Variants in ZNF423 observed in about 807,000 individuals in gnomAD.
ZNF423 encodes zinc finger protein 423.
In ZNF423, 12 loss-of-function variants were observed where a neutral mutation model predicts 95.8. The observed-to-expected ratio is 0.13, with a 90% confidence interval of 0.08 to 0.20. The LOEUF (loss-of-function observed/expected upper bound fraction) is 0.20, where lower values mean the gene tolerates loss of function less well. Among genes scored for constraint, ZNF423 ranks in the 10% least tolerant of loss-of-function variants. The probability of loss-of-function intolerance (pLI) is 1.00; values close to 1 mark genes in which losing one functional copy is unlikely to be tolerated. For synonymous variants in ZNF423, 749 were observed against 711.9 expected, an observed-to-expected ratio of 1.05 and a Z score of -0.83; for missense variants, 1,316 against 1,737.1, an observed-to-expected ratio of 0.76 and a Z score of 4.31.
chr16:49,830,304 G>A (rs1348538754), intron 1 of ZNF423, among the ~76,000 whole-genome samples: 15 of 152,162 alleles, frequency 9.9e-5, no homozygotes, highest in Non-Finnish European at 2.1e-4. Flanking sequence ...GGGGACTGAT[G>A]AGATGTGAGG....
At chr16:49,669,084 CT>C (rs1469885239) in intron 3 of ZNF423, among the ~76,000 whole-genome samples, 1 of 152,088 alleles carries the variant, frequency 6.6e-6, no homozygotes, top group Non-Finnish European at 1.5e-5. Context: ...AATCCTAGCA[CT>C]TTGGGAGGCC....
At chr16:49,854,351 A>G (rs2035333504) in intron 1 of ZNF423, 1 of 985,338 alleles carries the variant, frequency 1.0e-6, no homozygotes, top group African/African-American at 1.7e-5. Flanking sequence ...CGGGGACTTC[A>G]GGAGGACAGA....
At chr16:49,789,727 C>A (rs781347383) in intron 1 of ZNF423, among the ~76,000 whole-genome samples, 181 bp from the exon 2 acceptor site, 2 of 152,138 alleles carry the variant, frequency 1.3e-5, no homozygotes, top group Non-Finnish European at 2.9e-5. Context: ...GTAAAATGAT[C>A]GGAATAAAAC....
At chr16:49,777,051 C>T (rs2034133346) in intron 2 of ZNF423, among the ~76,000 whole-genome samples, 1 of 152,162 alleles carries the variant, frequency 6.6e-6, no homozygotes, top group Admixed American at 6.5e-5. Context: ...AGTGTGAACA[C>T]ACTCCTGTAT....
intron 7 of ZNF423, among the ~76,000 whole-genome samples, chr16:49,516,616 C>T (rs1000774891): frequency 1.3e-5 from 2 of 152,228 alleles, no homozygotes; most frequent in African/African-American, 2.4e-5. Flanking sequence ...ATTTCAGACA[C>T]GTGCATTGTT....
At chr16:49,664,318 G>A (rs1159881457) in intron 3 of ZNF423, 14 of 984,418 alleles carry the variant, frequency 1.4e-5, no homozygotes, top group Non-Finnish European at 1.4e-5. Context: ...GGCGCTTGGC[G>A]GAGGACCCAG....
rs1971563268 is a variant in ZNF423, at chr16:49,607,108, G to A, written c.3601+19062C>T. On this transcript the variant is annotated intron_variant, in intron 5 of 7. Coordinates refer to ENST00000563137, the MANE Select transcript of ZNF423 (RefSeq NM_001379286.1). The stretch of plus-strand genomic sequence containing the variant: ...TTTTGTAAAACAGATCTTGACAGTT[G>A]AGAGAGTCAGAGTCCTTCATTCACA... 2.1e-5 allele frequency among the ~76,000 whole-genome samples: 3 copies of A among 140,130 alleles called. No individual in the cohort carries two copies. The South Asian group carries it at 6.8e-4, about 32-fold the overall frequency. 91.9% of individuals were successfully genotyped at this position (140,130 alleles called of 152,430 possible). A position where few individuals can be genotyped will look rare whatever the true frequency, so the allele number is the denominator to read the frequency against.
chr16:49,666,094 G>A (rs899779899), intron 3 of ZNF423, among the ~76,000 whole-genome samples: 11 of 152,322 alleles, frequency 7.2e-5, no homozygotes, highest in Non-Finnish European at 7.3e-5. Flanking sequence ...AGCGAAGGCC[G>A]GGGAGAGCTG....
chr16:49,642,478 A>G (rs1279088779), intron 3 of ZNF423, among the ~76,000 whole-genome samples: 1 of 152,202 alleles, frequency 6.6e-6, no homozygotes, highest in African/African-American at 2.4e-5. Flanking sequence ...AGCAAAGCGT[A>G]TTATTCTGGG....
intron 3 of ZNF423, among the ~76,000 whole-genome samples, chr16:49,729,187 G>A (rs1487073278): frequency 6.6e-6 from 1 of 152,116 alleles, no homozygotes; most frequent in Non-Finnish European, 1.5e-5. Context: ...TACACAGAAT[G>A]GCCTATTCTC....
intron 5 of ZNF423, among the ~76,000 whole-genome samples, chr16:49,587,354 C>T (rs1473984019): frequency 2.6e-5 from 4 of 152,314 alleles, no homozygotes; most frequent in African/African-American, 9.6e-5. Context: ...GATGAAGCCT[C>T]TTTGGCAAAA....
Position 49,488,105 on chromosome 16 carries a change from G to C in ZNF423, c.*3170C>G, listed in dbSNP as rs1476091707. ...CAGTAAATACTTGCTGAATGGATGA[G>C]TAGAGGAAGGGATGGATTTGAGTTT... On this transcript the variant is annotated 3_prime_UTR_variant, in exon 8 of 8. Transcript: ENST00000563137. The C allele has an allele frequency of 6.6e-6, 1 of 152,312 alleles. No homozygotes were observed. Among genetic ancestry groups the C allele is most frequent in the Non-Finnish European group, 1.5e-5 (1 of 68,086 alleles). The allele number at this position is 152,312 out of a possible 1,614,324, so 9.4% of individuals were successfully genotyped here. A position where few individuals can be genotyped will look rare whatever the true frequency, so the allele number is the denominator to read the frequency against.
intron 3 of ZNF423, among the ~76,000 whole-genome samples, chr16:49,713,032 T>G (rs2032593840): frequency 6.6e-6 from 1 of 152,236 alleles, no homozygotes; most frequent in Admixed American, 6.5e-5. Flanking sequence ...AGCTCAGGCC[T>G]CCATTTGTAC....
At chr16:49,734,241 G>A (rs1282518098) in intron 2 of ZNF423, among the ~76,000 whole-genome samples, 2 of 152,326 alleles carry the variant, frequency 1.3e-5, no homozygotes, top group East Asian at 1.9e-4. Context: ...ACCCAGCTCC[G>A]CCTGTCCTGT....
intron 2 of ZNF423, among the ~76,000 whole-genome samples, chr16:49,781,520 C>T (rs538669876): frequency 6.6e-6 from 1 of 152,300 alleles, no homozygotes; most frequent in Admixed American, 6.5e-5. Context: ...AACGCAAGTG[C>T]AGAAGCGCAG....
chr16:49,793,743 G>A (rs1267865085), intron 1 of ZNF423, among the ~76,000 whole-genome samples: 1 of 152,170 alleles, frequency 6.6e-6, no homozygotes, highest in Non-Finnish European at 1.5e-5. Flanking sequence ...AGGCATAGGG[G>A]CAAGTGTGTG....
chr16:49,510,292 G>A (rs775480948), intron 7 of ZNF423, among the ~76,000 whole-genome samples: 6 of 152,326 alleles, frequency 3.9e-5, no homozygotes, highest in South Asian at 4.1e-4. Context: ...ATGAGTCACC[G>A]TGAGGGAGGT....
intron 3 of ZNF423, among the ~76,000 whole-genome samples, chr16:49,642,181 A>G (rs552923451): frequency 6.6e-6 from 1 of 152,300 alleles, no homozygotes; most frequent in East Asian, 1.9e-4. Context: ...CATCCTCACA[A>G]CAACCATATC....
chr16:49,505,884 G>A (rs771774256), intron 7 of ZNF423, among the ~76,000 whole-genome samples: 6 of 152,180 alleles, frequency 3.9e-5, no homozygotes, highest in Non-Finnish European at 7.3e-5. Flanking sequence ...CAAACAGTGG[G>A]CACATTGTCA....
Sources: gnomAD v4.1 joint callset for allele counts (sites outside exome capture counted in the v4.1 genomes callset) on GRCh38, gnomAD v4.1.1 for gene constraint, MANE v1.5 for transcripts, NCBI Gene and HGNC (gene_info 2026-07-23, HGNC 2026-07-21) for gene names.